Variants in RGS9 observed in about 807,000 individuals in gnomAD.
The protein encoded by RGS9 is regulator of G-protein signalling 9.
A neutral mutation model predicts 102.0 loss-of-function variants in RGS9; 78 were observed. The ratio of observed to expected loss-of-function variants is 0.76; its 90% CI spans 0.64 to 0.92. The LOEUF (loss-of-function observed/expected upper bound fraction) is 0.92. Ranked by LOEUF, RGS9 falls within the 40% of genes least tolerant of loss-of-function variation. The probability of loss-of-function intolerance (pLI) is 0.00; values close to 1 mark genes in which losing one functional copy is unlikely to be tolerated. For missense variants in RGS9, 833 were observed against 866.1 expected (o/e 0.96, Z 0.48); for synonymous variants, 353 against 318.6 (o/e 1.11, Z -1.15).
At chr17:65,199,575 C>CT (rs2144086110) in intron 13 of RGS9, among the ~76,000 whole-genome samples, 1 of 142,156 alleles carries the variant, frequency 7.0e-6, no homozygotes, top group South Asian at 2.3e-4. Context: ...CTCACTGCAA[C>CT]TTCTGCCTCC....
chr17:65,150,151 C>A (rs567203921), intron 1 of RGS9, among the ~76,000 whole-genome samples: 1 of 152,156 alleles, frequency 6.6e-6, no homozygotes, highest in East Asian at 1.9e-4. Flanking sequence ...TCCAGCTGCA[C>A]GCAGCAGCCC....
At chr17:65,193,754 T>A in intron 12 of RGS9, 98 bp downstream of exon 12, 1 of 749,440 alleles carries the variant, frequency 1.3e-6, no homozygotes, top group East Asian at 2.6e-5. Flanking sequence ...AGTTCAATGG[T>A]TTTTATTATA....
rs139812769 is a variant in RGS9 at position 65,152,261 on chromosome 17, G to A, written c.58-1161G>A. On this transcript the variant is annotated intron_variant, in intron 1 of 18. Coordinates refer to ENST00000262406, the MANE Select transcript of RGS9 (RefSeq NM_003835.4). ...GACCCGCCCAAGGCTGGCTGGGAGTGTCCTTGGTATGGCTGGGGGAAGGAA... is the reference window on the plus strand; with the variant it reads ...GACCCGCCCAAGGCTGGCTGGGAGTATCCTTGGTATGGCTGGGGGAAGGAA... Among the ~76,000 whole-genome samples, 419 of 152,314 alleles carry A rather than the reference G, an allele frequency of 2.8e-3. 1 individual carries two copies. Among genetic ancestry groups the A allele is most frequent in the African/African-American group, 9.4e-3 (390 of 41,562 alleles).
chr17:65,184,790 C>CTCTTTCTT (rs143580636), intron 9 of RGS9, among the ~76,000 whole-genome samples: 11 of 144,324 alleles, frequency 7.6e-5, no homozygotes, highest in African/African-American at 2.6e-4. Flanking sequence ...CTTTCTCTTT[C>CTCTTTCTT]TCTTTCTTTC....
chr17:65,168,386 T>C, intron 8 of RGS9, 105 bp downstream of exon 8: 1 of 802,246 alleles, frequency 1.2e-6, no homozygotes, highest in Non-Finnish European at 2.1e-6. Flanking sequence ...AGGGCGAGAA[T>C]TGGATCAGCA....
Position 65,153,496 on chromosome 17 carries a change from C to A in RGS9, c.132C>A (p.Thr44=), listed in dbSNP as rs370780859. The A allele has an allele frequency of 1.9e-6, 3 of 1,614,094 alleles. No individual in the cohort carries two copies. The highest frequency in any genetic ancestry group is 4.5e-5 in the East Asian group (2 of 44,890). Residue 44 remains threonine, a synonymous_variant, in exon 2 of 19, where the codon ACC becomes ACA. Coordinates refer to ENST00000262406, the MANE Select transcript of RGS9 (RefSeq NM_003835.4). ...VRMQNQRVLV[T]SVPHAMTGSD... Reference sequence around the variant, plus strand: ...TGCAGAACCAGAGGGTCCTGGTCACCAGCGTTCCTCATGCCATGACAGGTG... The same window carrying A: ...TGCAGAACCAGAGGGTCCTGGTCACAAGCGTTCCTCATGCCATGACAGGTG...
At position 65,158,072 on chromosome 17, in the gene RGS9, G is replaced by A. The variant is rs180700287; in HGVS notation, c.155-223G>A. Among the ~76,000 whole-genome samples, 20 of 152,196 alleles carry A rather than the reference G, an allele frequency of 1.3e-4. No homozygotes were observed. The East Asian group carries it at 2.3e-3, about 18-fold the overall frequency. On this transcript the variant is annotated intron_variant, in intron 2 of 18. Coordinates refer to ENST00000262406, the MANE Select transcript of RGS9 (RefSeq NM_003835.4). ...GTATGTGTGGGCTGGGGGTGCGTGC[G>A]GTGTTAAGTTGCACATCTGCTGGAG... is the stretch of plus-strand genomic sequence containing the variant.
Position 65,197,239 on chromosome 17 carries a change from G to A in RGS9, c.974G>A (p.Ser325Asn). The A allele has an allele frequency of 6.3e-7, 1 of 1,590,088 alleles. No individual in the cohort carries two copies. Among genetic ancestry groups the A allele is most frequent in the Non-Finnish European group, 8.6e-7 (1 of 1,158,748 alleles). The change falls in exon 13 of 19, where the codon AGT (serine) becomes AAT (asparagine). Residue 325 changes from serine to asparagine, a missense_variant and splice_region_variant. Ser to Asn is a conservative substitution (Grantham distance 46). Around this residue, in one of 3 missense-constraint regions of RGS9, gnomAD observed 185 missense variants for 248.7 expected, o/e 0.74. Transcript: ENST00000262406. ...CAGTACTTCCTCAAGAAAGAATTCA[G>A]TGGTGGGTCTTTGTTTACAAAAAAA... ...SFQYFLKKEF[S>N]GENLGFWEAC...
chr17:65,179,951 C>T (rs796404946), intron 9 of RGS9: 3 of 152,464 alleles, frequency 2.0e-5, no homozygotes, highest in African/African-American at 7.2e-5. Flanking sequence ...TGTGTCTCCG[C>T]TGTTTACCGT....
In RGS9 at chr17:65,173,395, C is replaced by T. The variant is rs1911493480; in HGVS notation, c.583-4337C>T. ...TGGAGTACCACCGAGAAGTGTCCGT[C>T]AGCTCCACGCTGGCCTTGCTCTGTA... On this transcript the variant is annotated intron_variant, in intron 8 of 18. Transcript: ENST00000262406. This position sits in a 1 kb window ranked among gnomAD's most constrained non-coding sequence, Gnocchi z 4.8. Among the ~76,000 whole-genome samples, 1 of 152,000 alleles carries T rather than the reference C, an allele frequency of 6.6e-6. No homozygotes were observed. The highest frequency in any genetic ancestry group is 1.5e-5 in the Non-Finnish European group (1 of 68,016).
intron 1 of RGS9, among the ~76,000 whole-genome samples, chr17:65,144,128 G>A (rs759178112): frequency 3.3e-5 from 5 of 152,170 alleles, no homozygotes; most frequent in Admixed American, 6.5e-5. Context: ...GTGAGACAGC[G>A]GGAGGGTGGC....
chr17:65,223,338 G>T (rs530611093), intron 17 of RGS9, among the ~76,000 whole-genome samples: 1 of 152,232 alleles, frequency 6.6e-6, no homozygotes, highest in African/African-American at 2.4e-5. Flanking sequence ...GAGGGGGAAT[G>T]ATGGGCTCTG....
intron 9 of RGS9, among the ~76,000 whole-genome samples, chr17:65,178,922 A>G (rs544214261): frequency 9.3e-4 from 141 of 152,342 alleles, no homozygotes; most frequent in African/African-American, 3.3e-3. Context: ...CCTAAGCCCC[A>G]GTCCTAACAA....
intron 12 of RGS9, among the ~76,000 whole-genome samples, chr17:65,196,276 T>C (rs1011725891): frequency 5.9e-5 from 9 of 152,218 alleles, no homozygotes; most frequent in Admixed American, 5.2e-4. Flanking sequence ...TTATGGAAAG[T>C]GTAAAACTTG....
intron 1 of RGS9, 134 bp downstream of exon 1, chr17:65,137,731 C>G: frequency 2.7e-6 from 2 of 752,968 alleles, no homozygotes; most frequent in Non-Finnish European, 4.6e-6. Flanking sequence ...TATTAAGTGA[C>G]TTCTTTGCTG....
At chr17:65,143,522 C>A (rs1910235829) in intron 1 of RGS9, among the ~76,000 whole-genome samples, 1 of 152,096 alleles carries the variant, frequency 6.6e-6, no homozygotes, top group Non-Finnish European at 1.5e-5. Context: ...GTGGCTCACG[C>A]CTTTATCCCA....
At chr17:65,216,592 G>T (rs191297817) in intron 17 of RGS9, among the ~76,000 whole-genome samples, 342 of 152,284 alleles carry the variant, frequency 2.2e-3, no homozygotes, top group Non-Finnish European at 3.7e-3. Flanking sequence ...AGCTGAGATC[G>T]CGCCACTGCA....
chr17:65,158,210 AG>A (rs751275177), intron 2 of RGS9, 84 bp from the exon 3 acceptor site: 255 of 1,265,894 alleles, frequency 2.0e-4, no homozygotes, highest in Non-Finnish European at 2.8e-4. Flanking sequence ...CTGAACGGGA[AG>A]GAGACCAGTC....
chr17:65,150,824 G>C (rs1418114693), intron 1 of RGS9, among the ~76,000 whole-genome samples: 1 of 152,180 alleles, frequency 6.6e-6, no homozygotes, highest in South Asian at 2.1e-4. Flanking sequence ...GATCATGACT[G>C]TGCCTGGATG....
Sources: allele counts gnomAD v4.1 joint callset (sites outside exome capture counted in the v4.1 genomes callset), GRCh38; gene constraint gnomAD v4.1.1; regional missense constraint gnomAD v4.1.1; non-coding constraint Gnocchi (gnomAD v3.1); transcripts MANE v1.5; gene names NCBI Gene and HGNC (gene_info 2026-07-23, HGNC 2026-07-21).